The following AGAP4 variants were observed in gnomAD, a reference collection of about 807,000 sequenced individuals.
AGAP4 encodes arf-GAP with GTPase, ANK repeat and PH domain-containing protein 4.
A neutral mutation model predicts 60.7 loss-of-function variants in AGAP4; 13 were observed. That is an observed-to-expected ratio of 0.21 (90% CI 0.14 to 0.34). AGAP4 has a LOEUF of 0.34. AGAP4 is among the 10% of genes least tolerant of loss of function. The probability of loss-of-function intolerance (pLI) is 1.00; values close to 1 mark genes in which losing one functional copy is unlikely to be tolerated. For synonymous variants in AGAP4, 70 were observed against 339.0 expected (o/e 0.21, Z 8.72); for missense variants, 169 against 884.0 (o/e 0.19, Z 10.26).
At chr10:45,849,754 C>T (rs2059059858), upstream of AGAP4, among the ~76,000 whole-genome samples, 2 of 150,982 alleles carry the variant, frequency 1.3e-5, no homozygotes, top group African/African-American at 4.9e-5. Context: ...GATTCTCCTG[C>T]CTCAGCCTCC....
At chr10:45,841,543 A>G in intron 4 of AGAP4, 110 bp downstream of exon 4, 1 of 606,276 alleles carries the variant, frequency 1.6e-6, no homozygotes. Context: ...AATCCACAAA[A>G]AGAGGTCCAT....
intron 1 of AGAP4, chr10:45,853,584 T>A: frequency 7.9e-7 from 1 of 1,268,720 alleles, no homozygotes; most frequent in Non-Finnish European, 1.0e-6. Flanking sequence ...AATTGTGCAA[T>A]TATCATTCTA....
intron 4 of AGAP4, among the ~76,000 whole-genome samples, chr10:45,834,967 G>A (rs1361221464): frequency 4.1e-5 from 6 of 146,442 alleles, no homozygotes; most frequent in South Asian, 2.1e-4. Context: ...TAGAGACGGG[G>A]TTTCACCGTG....
chr10:45,849,431 C>G (rs1397984490), upstream of AGAP4, among the ~76,000 whole-genome samples: 13 of 150,920 alleles, frequency 8.6e-5, no homozygotes, highest in Non-Finnish European at 1.8e-4. Flanking sequence ...AGGTAGAAGT[C>G]AAGCTTGGAT....
chr10:45,852,233 A>ACAAAC (rs1474776746), upstream of AGAP4, among the ~76,000 whole-genome samples: 1 of 143,656 alleles, frequency 7.0e-6, no homozygotes, highest in African/African-American at 2.8e-5. Flanking sequence ...AAAAAAAAAA[A>ACAAAC]AAAAAAAAAA....
intron 4 of AGAP4, among the ~76,000 whole-genome samples, chr10:45,834,715 GATTTC>G (rs1554897580): frequency 9.1e-6 from 1 of 109,944 alleles, no homozygotes; most frequent in African/African-American, 4.1e-5. Flanking sequence ...TTTAAAATAA[GATTTC>G]ATTTTTTTTT....
intron 6 of AGAP4, among the ~76,000 whole-genome samples, chr10:45,829,881 C>G (rs1442059423): frequency 6.7e-6 from 1 of 150,102 alleles, no homozygotes; most frequent in South Asian, 2.1e-4. Context: ...GGTGGTTAAA[C>G]TAAAAGTGAT....
Position 45,830,770 on chromosome 10 carries a change from C to A in AGAP4, c.533+624G>T, listed in dbSNP as rs1407727102. Among the ~76,000 whole-genome samples, 1,066 of 119,192 alleles carry A rather than the reference C, an allele frequency of 8.9e-3. 7 individuals carry two copies. The highest frequency in any genetic ancestry group is 0.024 in the African/African-American group (717 of 30,398). The allele number at this position is 119,192 out of a possible 152,430, so 78.2% of individuals were successfully genotyped here. On this transcript the variant is annotated intron_variant, in intron 6 of 7. Transcript: ENST00000616763. ...AAAGTGCTGGGATTACAGGCGTGAG[C>A]CACCGTGCCCAACCTCTTATTGCTG...
chr10:45,848,881 C>T (rs78993954), upstream of AGAP4: 7,974 of 149,696 alleles, frequency 0.053, 279 homozygotes, highest in Non-Finnish European at 0.076. Context: ...CCATGGTGGC[C>T]GCACAGAGAG....
At chr10:45,834,500 C>G (rs1360833990) in intron 4 of AGAP4, among the ~76,000 whole-genome samples, 1 of 126,898 alleles carries the variant, frequency 7.9e-6, no homozygotes, top group African/African-American at 3.5e-5. Context: ...ATGGTGAAAC[C>G]CCGTCTCTAC....
chr10:45,838,740 TG>T lies in AGAP4; in HGVS notation c.396+2912del, dbSNP rs1357962793. 3.2e-4 allele frequency among the ~76,000 whole-genome samples: 49 copies of T among 151,504 alleles called. 2 individuals carry two copies. The highest frequency in any genetic ancestry group is 5.9e-4 in the Non-Finnish European group (40 of 67,848). ...CGCATGCCACCAGGCCTGGCTAATT[TG>T]TTATTTAACCTTTTTGTAGATATGA... On this transcript the variant is annotated intron_variant, in intron 4 of 7. Coordinates refer to ENST00000616763, the MANE Select transcript of AGAP4 (RefSeq NM_001276343.3).
chr10:45,848,291 C>CT (rs2059032879), upstream of AGAP4, among the ~76,000 whole-genome samples: 2 of 139,238 alleles, frequency 1.4e-5, no homozygotes, highest in Non-Finnish European at 3.1e-5. Flanking sequence ...CTAACTTGCC[C>CT]CTCCAAGCTC....
chr10:45,838,159 A>G (rs1300630700), intron 4 of AGAP4, among the ~76,000 whole-genome samples: 10 of 150,044 alleles, frequency 6.7e-5, no homozygotes, highest in Non-Finnish European at 1.5e-4. Context: ...ACCTGGATGG[A>G]AGTAAGACTA....
At position 45,830,740 on chromosome 10, in the gene AGAP4, C is replaced by G. The variant is rs1490990037; in HGVS notation, c.533+654G>C. 7.7e-3 allele frequency among the ~76,000 whole-genome samples: 1,000 copies of G among 129,842 alleles called. 24 individuals are homozygous for G. Among genetic ancestry groups the G allele is most frequent in the African/African-American group, 0.028 (945 of 34,094 alleles). The allele number at this position is 129,842 out of a possible 152,430, so 85.2% of individuals were successfully genotyped here. On this transcript the variant is annotated intron_variant, in intron 6 of 7. Coordinates refer to ENST00000616763, the MANE Select transcript of AGAP4 (RefSeq NM_001276343.3). ...GACCTTGTGATCCGCCCGCCTCAGC[C>G]TCCCAAAGTGCTGGGATTACAGGCG...
intron 7 of AGAP4, 48 bp downstream of exon 7, chr10:45,827,981 G>C: frequency 2.0e-6 from 1 of 490,774 alleles, no homozygotes; most frequent in Non-Finnish European, 3.5e-6. Context: ...GCATGAAACA[G>C]ATACAAGTGT....
At chr10:45,845,707 A>C (rs2058987100) in intron 2 of AGAP4, among the ~76,000 whole-genome samples, 1 of 96,166 alleles carries the variant, frequency 1.0e-5, no homozygotes. Context: ...GGTCCAAGCA[A>C]TTCTCCTGCC....
At chr10:45,828,391 A>C (rs1167159464) in intron 6 of AGAP4, among the ~76,000 whole-genome samples, 5 of 150,222 alleles carry the variant, frequency 3.3e-5, no homozygotes, top group African/African-American at 1.2e-4. Context: ...AAACACAAGA[A>C]TGTTCTACAA....
chr10:45,853,041 A>C (rs1430295818), intron 1 of AGAP4, among the ~76,000 whole-genome samples: 1 of 152,122 alleles, frequency 6.6e-6, no homozygotes, highest in Non-Finnish European at 1.5e-5. Context: ...GCAAGCATAT[A>C]TGAAAAACTT....
upstream of AGAP4, among the ~76,000 whole-genome samples, chr10:45,849,413 G>A (rs1202946612): frequency 3.3e-5 from 5 of 151,702 alleles, no homozygotes; most frequent in South Asian, 1.0e-3. Context: ...AACCATATCA[G>A]AAAGTAAAGG....
Sources: gnomAD v4.1 joint callset for allele counts (sites outside exome capture counted in the v4.1 genomes callset) on GRCh38, gnomAD v4.1.1 for gene constraint, MANE v1.5 for transcripts, NCBI Gene and HGNC (gene_info 2026-07-23, HGNC 2026-07-21) for gene names.